Variants in FGF13 observed in about 807,000 individuals in gnomAD.
The protein encoded by FGF13 is fibroblast growth factor homologous factor 2.
Under a neutral mutation model 19.5 loss-of-function variants are expected in FGF13, and 2 were observed. The ratio of observed to expected loss-of-function variants is 0.10; its 90% confidence interval spans 0.04 to 0.32. FGF13 has a LOEUF of 0.32. FGF13 is among the 10% of genes least tolerant of loss of function. FGF13 has a pLI of 1.00. For synonymous variants in FGF13, 72 were observed against 76.9 expected (o/e 0.94, Z 0.33); for missense variants, 113 against 192.7 (o/e 0.59, Z 2.45).
chrX:138,694,021 T>A (rs1158352987), intron 3 of FGF13, among the ~76,000 whole-genome samples: 1 of 112,335 alleles, frequency 8.9e-6, no homozygotes, highest in Non-Finnish European at 1.9e-5. Context: ...GCTACAAATA[T>A]TTGCTAGAAG....
chrX:138,775,196 T>G (rs935577115), intron 3 of FGF13, among the ~76,000 whole-genome samples: 1 of 112,351 alleles, frequency 8.9e-6, no homozygotes, highest in Non-Finnish European at 1.9e-5. Context: ...TGACCTCAAG[T>G]GATCCACCCT....
At chrX:138,875,477 GA>G (rs2091383234) in intron 1 of FGF13, among the ~76,000 whole-genome samples, 1 of 111,816 alleles carries the variant, frequency 8.9e-6, no homozygotes, top group Non-Finnish European at 1.9e-5. Flanking sequence ...CTTGTTAGGG[GA>G]AATGACATGC....
At chrX:139,015,351 T>C (rs965427237) in intron 1 of FGF13, among the ~76,000 whole-genome samples, 2 of 111,086 alleles carry the variant, frequency 1.8e-5, no homozygotes, top group African/African-American at 6.5e-5. Context: ...TTGTTAGAAA[T>C]GATACATAAA....
At chrX:138,964,658 T>C (rs951679273) in intron 1 of FGF13, among the ~76,000 whole-genome samples, 7 of 111,836 alleles carry the variant, frequency 6.3e-5, no homozygotes, top group Non-Finnish European at 1.3e-4. Flanking sequence ...AGTGCCAGCA[T>C]CTGATTCTGG....
At chrX:139,064,024 G>A (rs889601025) in intron 1 of FGF13, among the ~76,000 whole-genome samples, 2 of 110,944 alleles carry the variant, frequency 1.8e-5, no homozygotes, top group Admixed American at 9.6e-5. Context: ...TTGAAGGTAT[G>A]TTATTAGATG....
chrX:138,803,148 T>C lies in FGF13; in HGVS notation c.217+54364A>G, dbSNP rs891713368. ...GTTCAGGCTCACCACCTCTTTCTTA[T>C]TATAGTGTATCTATCTCTTAATTAG... On this transcript the variant is annotated intron_variant, in intron 3 of 6. Coordinates refer to the FGF13 transcript ENST00000436198. Among the ~76,000 whole-genome samples, 5 of 111,984 alleles carry C rather than the reference T, an allele frequency of 4.5e-5. No individual in the cohort carries two copies. In the Admixed American group the frequency reaches 4.8e-4, roughly 11 times the overall value.
At chrX:138,861,033 AGTGGTGGGATG>A in intron 2 of FGF13, among the ~76,000 whole-genome samples, 1 of 112,792 alleles carries the variant, frequency 8.9e-6, no homozygotes, top group Middle Eastern at 4.6e-3. Context: ...AAGTGACTTT[AGTGGTGGGATG>A]ATGGTTATAA....
intron 3 of FGF13, among the ~76,000 whole-genome samples, chrX:138,784,476 G>A (rs1041263819): frequency 2.7e-5 from 3 of 110,253 alleles, no homozygotes; most frequent in African/African-American, 6.6e-5. Context: ...TTGTCATTAT[G>A]TCTAATGTTT....
At chrX:138,835,705 G>A (rs2091107786) in intron 3 of FGF13, among the ~76,000 whole-genome samples, 1 of 111,841 alleles carries the variant, frequency 8.9e-6, no homozygotes. Context: ...CATTATGTTT[G>A]CAGACTTGTT....
chrX:139,099,794 T>A (rs2083496173), intron 1 of FGF13, among the ~76,000 whole-genome samples: 1 of 111,525 alleles, frequency 9.0e-6, no homozygotes, highest in Non-Finnish European at 1.9e-5. Context: ...CAGAGAGAAT[T>A]TTTTTAATTA....
chrX:139,186,061 A>AT (rs1392783018), intron 1 of FGF13, among the ~76,000 whole-genome samples: 1 of 112,114 alleles, frequency 8.9e-6, no homozygotes, highest in Non-Finnish European at 1.9e-5. Context: ...GTATACCTGC[A>AT]TAAGAATGTA....
intron 1 of FGF13, among the ~76,000 whole-genome samples, chrX:139,056,637 G>A (rs1028780749): frequency 8.9e-6 from 1 of 112,166 alleles, no homozygotes; most frequent in African/African-American, 3.2e-5. Flanking sequence ...TGCTCTAAGT[G>A]GTTATGAGTA....
chrX:138,793,375 T>A (rs188113963), intron 3 of FGF13, among the ~76,000 whole-genome samples: 1 of 111,458 alleles, frequency 9.0e-6, no homozygotes, highest in Admixed American at 9.6e-5. Flanking sequence ...TCCATTTACC[T>A]CTAGGGCTGA....
intron 1 of FGF13, among the ~76,000 whole-genome samples, chrX:139,036,295 G>A (rs2124399170): frequency 9.0e-6 from 1 of 110,917 alleles, no homozygotes; most frequent in African/African-American, 3.3e-5. Flanking sequence ...CTTGTGCTTG[G>A]GGGTCTCCAA....
At chrX:138,822,872 G>T (rs1192439994) in intron 3 of FGF13, among the ~76,000 whole-genome samples, 1 of 111,992 alleles carries the variant, frequency 8.9e-6, no homozygotes, top group East Asian at 2.8e-4. Flanking sequence ...ACTCATCCTT[G>T]TCCTCTGGGA....
chrX:138,818,767 AT>A (rs1212402319), intron 3 of FGF13, among the ~76,000 whole-genome samples: 2 of 110,615 alleles, frequency 1.8e-5, no homozygotes, highest in African/African-American at 6.6e-5. Context: ...GAGGGCTGTC[AT>A]TTTTTTTCTT....
intron 1 of FGF13, among the ~76,000 whole-genome samples, chrX:138,960,970 G>A (rs952371765): frequency 3.6e-5 from 4 of 111,256 alleles, no homozygotes; most frequent in Admixed American, 9.6e-5. Flanking sequence ...CCTTTAGCTC[G>A]GAGAAGTTTG....
chrX:138,919,294 G>A (rs947228011), intron 1 of FGF13, among the ~76,000 whole-genome samples: 3 of 111,030 alleles, frequency 2.7e-5, no homozygotes, highest in Admixed American at 9.6e-5. Context: ...AGAAAAAGAC[G>A]GGCAAATTAT....
At chrX:139,122,556 T>C (rs979194089) in intron 1 of FGF13, among the ~76,000 whole-genome samples, 4 of 111,960 alleles carry the variant, frequency 3.6e-5, no homozygotes, top group African/African-American at 1.3e-4. Flanking sequence ...ATCTTTTCTA[T>C]ACATGGCTTC....
Sources: gnomAD v4.1 joint callset for allele counts (sites outside exome capture counted in the v4.1 genomes callset) on GRCh38, gnomAD v4.1.1 for gene constraint, MANE v1.5 for transcripts, NCBI Gene and HGNC (gene_info 2026-07-23, HGNC 2026-07-21) for gene names.